ENTPD5: variants seen among roughly 807,000 people sequenced by gnomAD.
ENTPD5 encodes the protein ectonucleoside triphosphate diphosphohydrolase 5 (inactive), also known as nucleoside diphosphate phosphatase ENTPD5.
Under a neutral mutation model 60.2 loss-of-function variants are expected in ENTPD5, and 49 were observed. That is an observed-to-expected ratio of 0.81 (90% CI 0.65 to 1.03). The LOEUF (loss-of-function observed/expected upper bound fraction) is 1.03. Ranked by LOEUF, ENTPD5 falls within the 50% of genes least tolerant of loss-of-function variation. The pLI is 0.00. For missense variants in ENTPD5, 480 were observed against 507.6 expected (o/e 0.95, Z 0.52); for synonymous variants, 187 against 185.4 (o/e 1.01, Z -0.07).
intron 3 of ENTPD5, among the ~76,000 whole-genome samples, chr14:73,994,804 C>T (rs996025647): frequency 6.6e-5 from 10 of 151,732 alleles, no homozygotes; most frequent in Non-Finnish European, 1.3e-4. Context: ...ACAGCTTGCT[C>T]GTTCACTATG....
At chr14:73,962,909 A>AATAATTATTGTAG, downstream of ENTPD5, 2 of 1,341,706 alleles carry the variant, frequency 1.5e-6, no homozygotes, top group African/African-American at 1.4e-5. Context: ...TATTATCTAC[A>AATAATTATTGTAG]ATAATTATTT....
chr14:73,985,610 T>C (rs1217030216), intron 5 of ENTPD5, among the ~76,000 whole-genome samples: 1 of 152,182 alleles, frequency 6.6e-6, no homozygotes, highest in African/African-American at 2.4e-5. Flanking sequence ...TCTTGTAAAT[T>C]TGTTAAGTTC....
At chr14:73,981,026 G>A (rs2057666532) in intron 6 of ENTPD5, among the ~76,000 whole-genome samples, 1 of 152,098 alleles carries the variant, frequency 6.6e-6, no homozygotes, top group Non-Finnish European at 1.5e-5. Context: ...TTGAATCTGG[G>A]AGGCAGAGGT....
rs1011282678 is a variant in ENTPD5, at chr14:73,987,049, A to C, written c.218-156T>G. Reference sequence around the variant, plus strand: ...GAGGAATGTCTTGCAGGAGTACTGGAAAGAAGGACTAGAGCAACCTCTGAG... The same window carrying C: ...GAGGAATGTCTTGCAGGAGTACTGGCAAGAAGGACTAGAGCAACCTCTGAG... On this transcript the variant is annotated intron_variant, in intron 4 of 15. Transcript: ENST00000334696. The C allele has an allele frequency of 1.1e-5, 8 of 722,708 alleles. No homozygotes were observed. In the African/African-American group the frequency reaches 1.2e-4, roughly 11 times the overall value. 44.8% of individuals were successfully genotyped at this position (722,708 alleles called of 1,614,324 possible).
At chr14:73,973,782 A>C (rs1425533272) in intron 12 of ENTPD5, 95 bp downstream of exon 12, 1 of 1,027,380 alleles carries the variant, frequency 9.7e-7, no homozygotes, top group Non-Finnish European at 1.5e-6. Context: ...GCAACAAGAT[A>C]AGCTTCTCTT....
At chr14:73,974,866 A>G in intron 11 of ENTPD5, 58 bp downstream of exon 11, 1 of 1,355,708 alleles carries the variant, frequency 7.4e-7, no homozygotes, top group Non-Finnish European at 1.0e-6. Flanking sequence ...GGGAAGAAGC[A>G]AGCGGAGTAT....
downstream of ENTPD5, chr14:73,960,264 C>T: frequency 4.1e-6 from 4 of 986,260 alleles, no homozygotes; most frequent in Non-Finnish European, 4.8e-6. Context: ...ACTAACTGCT[C>T]AGGATTGAAT....
At chr14:73,987,813 G>A in intron 4 of ENTPD5, 73 bp downstream of exon 4, 2 of 1,382,460 alleles carry the variant, frequency 1.4e-6, no homozygotes, top group Non-Finnish European at 2.0e-6. Flanking sequence ...TAAACTCTCA[G>A]CATATTTGTT....
chr14:73,999,244 T>C (rs2058429603), intron 3 of ENTPD5, among the ~76,000 whole-genome samples: 1 of 152,102 alleles, frequency 6.6e-6, no homozygotes, highest in Non-Finnish European at 1.5e-5. Flanking sequence ...TCCCAGCACT[T>C]TGGGAGGCCA....
intron 3 of ENTPD5, among the ~76,000 whole-genome samples, chr14:73,993,640 C>G (rs2140708575): frequency 6.6e-6 from 1 of 152,294 alleles, no homozygotes; most frequent in South Asian, 2.1e-4. Context: ...GAAACAGAAA[C>G]AACTCTTCAG....
intron 3 of ENTPD5, among the ~76,000 whole-genome samples, chr14:73,991,007 C>T (rs536110740): frequency 1.6e-4 from 25 of 151,872 alleles, no homozygotes; most frequent in South Asian, 8.3e-4. Context: ...CCAGCCTGGG[C>T]GACAGAGTGA....
At chr14:74,017,241 C>G (rs994642882) in intron 1 of ENTPD5, among the ~76,000 whole-genome samples, 7 of 142,314 alleles carry the variant, frequency 4.9e-5, no homozygotes, top group Non-Finnish European at 9.2e-5. Context: ...TTGCTTGAAC[C>G]TGGGAGGTGG....
At chr14:73,996,061 T>A in intron 3 of ENTPD5, 3 of 825,362 alleles carry the variant, frequency 3.6e-6, no homozygotes, top group Non-Finnish European at 4.4e-6. Flanking sequence ...CCCGGAAGCC[T>A]GAGAGACCAC....
downstream of ENTPD5, chr14:73,955,580 C>A (rs1256511119): frequency 2.0e-6 from 3 of 1,478,932 alleles, no homozygotes; most frequent in South Asian, 1.1e-5. Flanking sequence ...CCACTTTCTC[C>A]AAGTGTTCTG....
chr14:73,980,158 G>A lies in ENTPD5; in HGVS notation c.442-2784C>T, dbSNP rs531416820. Among the ~76,000 whole-genome samples, 71 of 151,384 alleles carry A rather than the reference G, an allele frequency of 4.7e-4. 1 individual carries two copies. Among genetic ancestry groups the A allele is most frequent in the Non-Finnish European group, 9.0e-4 (61 of 67,854 alleles). On this transcript the variant is annotated intron_variant, in intron 6 of 15. Coordinates refer to ENST00000334696, the MANE Select transcript of ENTPD5 (RefSeq NM_001249.5). ...GACAGGGTTTCACCATGTTGGCCAG[G>A]CTGGTCTTGAACTCCTGACCTCAGG...
At chr14:74,000,265 T>C (rs562865014) in intron 3 of ENTPD5, among the ~76,000 whole-genome samples, 1 of 151,576 alleles carries the variant, frequency 6.6e-6, no homozygotes, top group Admixed American at 6.6e-5. Flanking sequence ...GAGACCAGCC[T>C]GGGCAACATG....
chr14:74,007,249 C>T (rs112140683), intron 3 of ENTPD5, among the ~76,000 whole-genome samples: 2,097 of 152,174 alleles, frequency 0.014, 44 homozygotes, highest in African/African-American at 0.047. Context: ...TGGCCGGGCG[C>T]GGTGGCTCAC....
At chr14:74,018,192 A>AG (rs968908556) in intron 1 of ENTPD5, among the ~76,000 whole-genome samples, 2 of 152,036 alleles carry the variant, frequency 1.3e-5, no homozygotes, top group Admixed American at 1.3e-4. Flanking sequence ...AAAAAAAAAA[A>AG]AAAGTTTACA....
At chr14:73,958,436 T>A (rs1248168999), downstream of ENTPD5, 1 of 1,497,782 alleles carries the variant, frequency 6.7e-7, no homozygotes, top group African/African-American at 1.4e-5. Flanking sequence ...GTGGAGATGG[T>A]CTCATCGTAA....
Sources: gnomAD v4.1 joint callset for allele counts (sites outside exome capture counted in the v4.1 genomes callset) on GRCh38, gnomAD v4.1.1 for gene constraint, MANE v1.5 for transcripts, NCBI Gene and HGNC (gene_info 2026-07-23, HGNC 2026-07-21) for gene names.